Variants in NOM1 observed in about 807,000 individuals in gnomAD.
NOM1 encodes nucleolar protein with MIF4G domain 1.
Under a neutral mutation model 73.3 loss-of-function variants are expected in NOM1, and 58 were observed. The observed-to-expected ratio is 0.79, with a 90% confidence interval of 0.64 to 0.99. The LOEUF (loss-of-function observed/expected upper bound fraction) is 0.99. Among genes scored for constraint, NOM1 ranks in the 50% least tolerant of loss-of-function variants. The pLI is 0.00. For missense variants in NOM1, 1,226 were observed against 1,131.9 expected (o/e 1.08, Z -1.19); for synonymous variants, 487 against 446.8 (o/e 1.09, Z -1.14).
At chr7:156,952,621 C>T in intron 2 of NOM1, 23 bp downstream of exon 2, 1 of 1,605,216 alleles carries the variant, frequency 6.2e-7, no homozygotes, top group African/African-American at 1.3e-5. Context: ...TGTTGTTACA[C>T]TGTGTCACTT....
At chr7:156,966,912 A>G in intron 8 of NOM1, 49 bp from the exon 9 acceptor site, 1 of 1,496,924 alleles carries the variant, frequency 6.7e-7, no homozygotes, top group Non-Finnish European at 9.1e-7. Context: ...GATATATTAT[A>G]GTAATTTGTG....
intron 10 of NOM1, 131 bp from the exon 11 acceptor site, chr7:156,969,398 T>A: frequency 1.2e-6 from 1 of 836,776 alleles, no homozygotes; most frequent in Non-Finnish European, 1.8e-6. Flanking sequence ...ATAAAATATG[T>A]TAAGAAGTTC....
chr7:156,953,430 T>A (rs761131361), intron 2 of NOM1, among the ~76,000 whole-genome samples: 9 of 152,178 alleles, frequency 5.9e-5, no homozygotes, highest in Non-Finnish European at 7.3e-5. Context: ...ACCGGGGCAG[T>A]TCTGTAGTTT....
rs756673104 is a variant in NOM1 at position 156,950,475 on chromosome 7, C to T, written c.738C>T (p.Leu246=). 42 of 1,613,788 alleles carry T rather than the reference C, an allele frequency of 2.6e-5. No individual in the cohort carries two copies. Among genetic ancestry groups the T allele is most frequent in the Non-Finnish European group, 2.9e-5 (34 of 1,179,884 alleles). Reference sequence around the variant, plus strand: ...AGGAGGAAGATGCCGGACAGACACTCCCCGAAAGTGACTTAGAGAGTGACT... The same window carrying T: ...AGGAGGAAGATGCCGGACAGACACTTCCCGAAAGTGACTTAGAGAGTGACT... ...GEEEEDAGQT[L]PESDLESDSQ... The change falls in exon 1 of 11, where the codon CTC becomes CTT. Residue 246 remains leucine, a synonymous_variant. Coordinates refer to ENST00000275820, the MANE Select transcript of NOM1 (RefSeq NM_138400.2).
chr7:156,965,524 C>T (rs1024448287), intron 7 of NOM1, among the ~76,000 whole-genome samples: 3 of 152,234 alleles, frequency 2.0e-5, no homozygotes, highest in Admixed American at 6.5e-5. Context: ...AGTTCTGTTT[C>T]GGCATTGCCG....
chr7:156,960,152 G>C lies in NOM1; in HGVS notation c.1610G>C (p.Ser537Thr). The change falls in exon 4 of 11, where the codon AGC becomes ACC. Residue 537 changes from serine to threonine, a missense_variant. Coordinates refer to ENST00000275820, the MANE Select transcript of NOM1 (RefSeq NM_138400.2). Reference protein sequence around the residue: ...EAQTKASGAGSEFQDQTRIRF... With the variant: ...EAQTKASGAGTEFQDQTRIRF... ...CAGACCAAAGCCAGCGGGGCAGGCA[G>C]CGAGTTTCAGGACCAGACCAGGGTA... 1 of 1,613,390 alleles carries C rather than the reference G, an allele frequency of 6.2e-7. No homozygotes were observed. Among genetic ancestry groups the C allele is most frequent in the Non-Finnish European group, 8.5e-7 (1 of 1,179,904 alleles).
intron 3 of NOM1, among the ~76,000 whole-genome samples, chr7:156,958,403 G>A (rs79642376): frequency 0.036 from 5,549 of 152,240 alleles, 175 homozygotes; most frequent in South Asian, 0.09. Flanking sequence ...CTGGTCCAGC[G>A]CAGCTGCGTT....
chr7:156,964,146 C>T (rs1804939066), intron 7 of NOM1, 120 bp downstream of exon 7: 1 of 1,006,390 alleles, frequency 9.9e-7, no homozygotes, highest in Non-Finnish European at 1.4e-6. Flanking sequence ...CTGGGCTGTT[C>T]TCATGACCAT....
chr7:156,954,039 A>G lies in NOM1; in HGVS notation c.1113-64A>G, dbSNP rs1056311294. 5.0e-5 allele frequency: 72 copies of G among 1,432,052 alleles called. 1 individual carries two copies. Among genetic ancestry groups the G allele is most frequent in the South Asian group, 4.1e-4 (32 of 78,826 alleles). The allele number at this position is 1,432,052 out of a possible 1,614,324, so 88.7% of individuals were successfully genotyped here. ...GGTATGGATAACTCTTTAATTTTTT[A>G]AAATTGAACTGAAAATTCCTAATTG... On this transcript the variant is annotated intron_variant, in intron 2 of 10. Coordinates refer to ENST00000275820, the MANE Select transcript of NOM1 (RefSeq NM_138400.2).
intron 3 of NOM1, 27 bp downstream of exon 3, chr7:156,954,325 G>T: frequency 6.5e-7 from 1 of 1,540,546 alleles, no homozygotes. Context: ...TCTCCAGGCT[G>T]TCACTAGTGT....
rs1805163599 is a variant in NOM1, at chr7:156,972,475, CTT to C, written c.*2773_*2774del. The C allele has an allele frequency of 1.8e-4, 28 of 152,258 alleles. No individual in the cohort carries two copies. Among genetic ancestry groups the C allele is most frequent in the Admixed American group, 1.8e-3 (27 of 15,296 alleles). 9.4% of individuals were successfully genotyped at this position (152,258 alleles called of 1,614,324 possible). On this transcript the variant is annotated 3_prime_UTR_variant, in exon 11 of 11. Coordinates refer to ENST00000275820, the MANE Select transcript of NOM1 (RefSeq NM_138400.2). ...CTTTGCTAGAGAGTTATATGTATGA[CTT>C]AAATTATTAGCTATGGTTTGCATTT...
chr7:156,961,808 G>A (rs532245481), intron 4 of NOM1, among the ~76,000 whole-genome samples: 3 of 152,264 alleles, frequency 2.0e-5, no homozygotes, highest in Admixed American at 2.0e-4. Context: ...CAGGTCGCGG[G>A]GGGCCAGGGT....
chr7:156,961,038 G>A (rs1200213516), intron 4 of NOM1, among the ~76,000 whole-genome samples: 1 of 152,190 alleles, frequency 6.6e-6, no homozygotes, highest in Non-Finnish European at 1.5e-5. Flanking sequence ...GAAAGACTGG[G>A]TTAGCTGTGA....
Position 156,969,739 on chromosome 7 carries a change from G to A in NOM1, c.*36G>A. 2 of 1,573,670 alleles carry A rather than the reference G, an allele frequency of 1.3e-6. No individual in the cohort carries two copies. The highest frequency in any genetic ancestry group is 4.5e-5 in the East Asian group (2 of 44,200). ...AAGGAGGGCAGGTGGCCCTTTGACTGTAAAATGTCCTTGGTAAACCCAAAG... is the reference window on the plus strand; with the variant it reads ...AAGGAGGGCAGGTGGCCCTTTGACTATAAAATGTCCTTGGTAAACCCAAAG... On this transcript the variant is annotated 3_prime_UTR_variant, in exon 11 of 11. Transcript: ENST00000275820.
Position 156,969,625 on chromosome 7 carries a change from C to G in NOM1, c.2505C>G (p.Ala835=), listed in dbSNP as rs768278505. Residue 835 remains alanine (A), a synonymous_variant, in exon 11 of 11, where the codon GCC becomes GCG. Transcript: ENST00000275820. ...LLKNAQAHRS[A]DEANVLREKA... The stretch of plus-strand genomic sequence containing the variant: ...AGAACGCACAGGCCCACAGAAGCGC[C>G]GACGAAGCCAACGTGCTGAGAGAGA... 1 of 1,614,046 alleles carries G rather than the reference C, an allele frequency of 6.2e-7. No individual in the cohort carries two copies.
At position 156,966,033 on chromosome 7, in the gene NOM1, A is replaced by AC. The variant is rs113269239; in HGVS notation, c.2034-232dup. On this transcript the variant is annotated intron_variant, in intron 7 of 10. Transcript: ENST00000275820. Reference sequence around the variant, plus strand: ...CTGTCGACTTTTGCAGCGACGGGGGACCCCCTAGATGGTCTTGTCTCCTCT... The same window carrying AC: ...CTGTCGACTTTTGCAGCGACGGGGGACCCCCCTAGATGGTCTTGTCTCCTCT... 3,174 of 526,346 alleles carry AC rather than the reference A, an allele frequency of 6.0e-3. 86 individuals carry two copies. Among genetic ancestry groups the AC allele is most frequent in the African/African-American group, 0.054 (2,828 of 52,018 alleles). The allele number at this position is 526,346 out of a possible 1,614,324, so 32.6% of individuals were successfully genotyped here.
intron 3 of NOM1, among the ~76,000 whole-genome samples, chr7:156,955,683 G>C (rs182521200): frequency 1.4e-3 from 210 of 152,300 alleles, no homozygotes; most frequent in African/African-American, 5.0e-3. Context: ...TTGCAGTGCA[G>C]CAGGCAAAGC....
In NOM1 at chr7:156,950,333, A is replaced by G. The variant is rs1323695522; in HGVS notation, c.596A>G (p.Lys199Arg). 1 of 1,613,748 alleles carries G rather than the reference A, an allele frequency of 6.2e-7. No individual in the cohort carries two copies. Among genetic ancestry groups the G allele is most frequent in the African/African-American group, 1.3e-5 (1 of 74,710 alleles). ...CGTTGCCTCGGTTTGAACAAGCGCA[A>G]AAAGAAGGACGGCAGCAGCTCCGTG... is the stretch of plus-strand genomic sequence containing the variant. ...LERCLGLNKRKKKDGSSSVPL... is the reference protein window; with the variant it reads ...LERCLGLNKRRKKDGSSSVPL... The change falls in exon 1 of 11, where the codon AAA (lysine) becomes AGA (arginine). Residue 199 changes from lysine to arginine, a missense_variant. Transcript: ENST00000275820.
chr7:156,955,024 G>A (rs889356666), intron 3 of NOM1, among the ~76,000 whole-genome samples: 3 of 152,238 alleles, frequency 2.0e-5, no homozygotes, highest in African/African-American at 4.8e-5. Flanking sequence ...TGTTCAGGGA[G>A]ACCTGGTGCC....
Sources: gnomAD v4.1 joint callset for allele counts (sites outside exome capture counted in the v4.1 genomes callset) on GRCh38, gnomAD v4.1.1 for gene constraint, MANE v1.5 for transcripts, NCBI Gene and HGNC (gene_info 2026-07-23, HGNC 2026-07-21) for gene names.